The following PSD2 variants were observed in gnomAD, a reference collection of about 807,000 sequenced individuals.
PSD2 encodes the protein pleckstrin and Sec7 domain containing 2.
Under a neutral mutation model 69.8 loss-of-function variants are expected in PSD2, and 38 were observed. The observed-to-expected ratio is 0.54, with a 90% CI of 0.42 to 0.71. PSD2 has a LOEUF of 0.71. PSD2 is among the 30% of genes least tolerant of loss of function. The probability of loss-of-function intolerance (pLI) is 0.00; values close to 1 mark genes in which losing one functional copy is unlikely to be tolerated. For missense variants in PSD2, 943 were observed against 1,014.5 expected, an observed-to-expected ratio of 0.93 and a Z score of 0.96; for synonymous variants, 412 against 423.0, an observed-to-expected ratio of 0.97 and a Z score of 0.32.
At chr5:139,796,635 A>T (rs1759536726) in intron 1 of PSD2, among the ~76,000 whole-genome samples, 1 of 152,156 alleles carries the variant, frequency 6.6e-6, no homozygotes. Flanking sequence ...GTGCAGAGGG[A>T]GTCCAGACTG....
upstream of PSD2, among the ~76,000 whole-genome samples, chr5:139,792,256 C>T (rs1030170722): frequency 1.4e-4 from 22 of 152,098 alleles, no homozygotes; most frequent in South Asian, 2.1e-4. Flanking sequence ...GGAATCCCTA[C>T]CCAGGCACCC....
the PSD2 span, among the ~76,000 whole-genome samples, chr5:139,747,375 T>C: frequency 6.6e-6 from 1 of 151,998 alleles, no homozygotes; most frequent in African/African-American, 2.4e-5. The surrounding 1 kb of genome is among the most constrained non-coding windows in gnomAD (Gnocchi z 6.7). Flanking sequence ...CCCCCCCAGC[T>C]GTTAACCTTC....
At chr5:139,779,157 T>G in the PSD2 span, among the ~76,000 whole-genome samples, 2 of 152,072 alleles carry the variant, frequency 1.3e-5, no homozygotes, top group African/African-American at 4.8e-5. Flanking sequence ...CATAGGTTAT[T>G]GGGGAACAAG....
the PSD2 span, among the ~76,000 whole-genome samples, chr5:139,754,188 T>A: frequency 6.6e-6 from 1 of 151,860 alleles, no homozygotes; most frequent in African/African-American, 2.4e-5. Flanking sequence ...TTAAGAGGGG[T>A]TGGGCATGAT....
chr5:139,820,559 G>T (rs1022940062), intron 5 of PSD2, among the ~76,000 whole-genome samples: 1 of 152,176 alleles, frequency 6.6e-6, no homozygotes, highest in Non-Finnish European at 1.5e-5. Flanking sequence ...GGTGGCATGA[G>T]AGAGGGTAAA....
chr5:139,842,188 G>T, intron 14 of PSD2, 83 bp from the exon 15 acceptor site: 1 of 1,127,534 alleles, frequency 8.9e-7, no homozygotes, highest in Non-Finnish European at 1.3e-6. Context: ...GCATATTAAG[G>T]AAATTAGTCT....
chr5:139,760,538 C>T, the PSD2 span, among the ~76,000 whole-genome samples: 5 of 152,158 alleles, frequency 3.3e-5, no homozygotes, highest in South Asian at 8.3e-4. Context: ...TGGGTTGTGC[C>T]GCCAGGAGAG....
intron 1 of PSD2, among the ~76,000 whole-genome samples, chr5:139,804,257 G>T (rs1039471990): frequency 6.6e-6 from 1 of 152,144 alleles, no homozygotes; most frequent in East Asian, 1.9e-4. Context: ...GTGAACCAGT[G>T]GGGGTGTTCA....
chr5:139,842,337 G>T lies in PSD2; in HGVS notation c.2179G>T (p.Glu727Ter). 1 of 1,614,220 alleles carries T rather than the reference G, an allele frequency of 6.2e-7. No homozygotes were observed. The highest frequency in any genetic ancestry group is 8.5e-7 in the Non-Finnish European group (1 of 1,180,048). Residue 727 changes from glutamate to a stop codon, truncating the protein, a stop_gained, in exon 15 of 15, where the codon GAG becomes TAG. Transcript: ENST00000274710. LOFTEE classifies it high-confidence loss of function. ...MKIKVGSDDLERIEARLATLE... is the reference protein window; with the variant it reads ...MKIKVGSDDL The stretch of plus-strand genomic sequence containing the variant: ...AATCAAAGTGGGCTCAGATGATCTG[G>T]AGCGGATTGAGGCCCGGCTGGCCAC...
chr5:139,822,900 T>C (rs1760308735), intron 7 of PSD2, 116 bp downstream of exon 7: 6 of 864,394 alleles, frequency 6.9e-6, no homozygotes, highest in Non-Finnish European at 1.0e-5. Flanking sequence ...TTTGAAGCGG[T>C]GGGGGTTGGG....
intron 9 of PSD2, among the ~76,000 whole-genome samples, chr5:139,836,295 G>A (rs985789703): frequency 6.6e-6 from 1 of 152,212 alleles, no homozygotes; most frequent in Non-Finnish European, 1.5e-5. Context: ...GTTCCCCAGG[G>A]CAGGCAGGTC....
the PSD2 span, among the ~76,000 whole-genome samples, chr5:139,766,928 C>CTTTCTTTCTTTCTTTCTTTCTTTCTTT: frequency 3.2e-5 from 1 of 31,186 alleles, no homozygotes; most frequent in Non-Finnish European, 6.4e-5. Context: ...TTCCTTCCTT[C>CTTTCTTTCTTTCTTTCTTTCTTTCTTT]CCTTCTTTCT....
Position 139,837,086 on chromosome 5 carries a change from C to T in PSD2, c.1595-82C>T, listed in dbSNP as rs1000647196. On this transcript the variant is annotated intron_variant, in intron 10 of 14. Transcript: ENST00000274710. The surrounding 1 kb of genome is among the most constrained non-coding windows in gnomAD (Gnocchi z 5.0). ...GGGCCACTCTTTGGGGACGAACATA[C>T]AGGTGGACACGTAGTGGGAGGTGGG... 4.2e-5 allele frequency: 67 copies of T among 1,595,268 alleles called. 1 individual carries two copies. In the South Asian group the frequency reaches 6.6e-4, roughly 16 times the overall value.
rs770266265 is a variant in PSD2, at chr5:139,813,272, C to G, written c.372-37C>G. 8.7e-6 allele frequency: 13 copies of G among 1,501,170 alleles called. No homozygotes were observed. The East Asian group carries it at 2.5e-4, about 29-fold the overall frequency. The allele number at this position is 1,501,170 out of a possible 1,614,324, so 93.0% of individuals were successfully genotyped here. A position where few individuals can be genotyped will look rare whatever the true frequency, so the allele number is the denominator to read the frequency against. On this transcript the variant is annotated intron_variant, in intron 2 of 14. Transcript: ENST00000274710. ...TCACCAGCACCTGTATGGGGGACAG[C>G]TTGGCAGGATGGTGACTGGCTCCTT...
intron 6 of PSD2, among the ~76,000 whole-genome samples, 193 bp downstream of exon 6, chr5:139,822,198 G>A (rs1303593929): frequency 6.6e-6 from 1 of 152,224 alleles, no homozygotes; most frequent in Non-Finnish European, 1.5e-5. Flanking sequence ...GCTGAGCAAG[G>A]CGCAGTCTTG....
At chr5:139,817,586 G>GC in intron 5 of PSD2, 25 bp downstream of exon 5, 1 of 1,569,330 alleles carries the variant, frequency 6.4e-7, no homozygotes, top group Admixed American at 1.7e-5. Context: ...GACAGGCAGT[G>GC]CCCACAAGTG....
At chr5:139,838,080 G>A (rs923711178) in intron 12 of PSD2, among the ~76,000 whole-genome samples, 2 of 152,344 alleles carry the variant, frequency 1.3e-5, no homozygotes, top group Admixed American at 6.5e-5. Context: ...GCAATGTGGG[G>A]CAGGTGGCAT....
At chr5:139,745,911 T>C in the PSD2 span, among the ~76,000 whole-genome samples, 1 of 152,186 alleles carries the variant, frequency 6.6e-6, no homozygotes, top group Non-Finnish European at 1.5e-5. Flanking sequence ...GTTTACCTGC[T>C]CCTGCCCCCT....
chr5:139,758,348 A>C, the PSD2 span, among the ~76,000 whole-genome samples: 1 of 152,176 alleles, frequency 6.6e-6, no homozygotes, highest in South Asian at 2.1e-4. Flanking sequence ...CATTTCAGGA[A>C]TGTTTGAAGC....
Sources: allele counts gnomAD v4.1 joint callset (sites outside exome capture counted in the v4.1 genomes callset), GRCh38; gene constraint gnomAD v4.1.1; non-coding constraint Gnocchi (gnomAD v3.1); transcripts MANE v1.5; gene names NCBI Gene and HGNC (gene_info 2026-07-23, HGNC 2026-07-21).